GALNTL6: variants seen among roughly 807,000 people sequenced by gnomAD.
GALNTL6 encodes polypeptide N-acetylgalactosaminyltransferase-like 6.
A neutral mutation model predicts 73.7 loss-of-function variants in GALNTL6; 46 were observed. The observed-to-expected ratio is 0.62, with a 90% CI of 0.49 to 0.80. The LOEUF (loss-of-function observed/expected upper bound fraction) is 0.80. Ranked by LOEUF, GALNTL6 falls within the 30% of genes least tolerant of loss-of-function variation. GALNTL6 has a pLI of 0.00. For missense variants in GALNTL6, 604 were observed against 755.0 expected, an observed-to-expected ratio of 0.80 and a Z score of 2.34; for synonymous variants, 259 against 263.7, an observed-to-expected ratio of 0.98 and a Z score of 0.17.
At chr4:172,788,734 A>G (rs1055985265) in intron 5 of GALNTL6, among the ~76,000 whole-genome samples, 8 of 151,956 alleles carry the variant, frequency 5.3e-5, no homozygotes, top group African/African-American at 1.5e-4. Context: ...CAAGGAGAGA[A>G]CTTGAATACA....
At chr4:173,015,538 CTTG>C (rs1752746105) in intron 11 of GALNTL6, among the ~76,000 whole-genome samples, 1 of 152,172 alleles carries the variant, frequency 6.6e-6, no homozygotes, top group Admixed American at 6.5e-5. Flanking sequence ...AGATGAAGAA[CTTG>C]TTGGGAACTG....
At chr4:172,426,437 T>C (rs1301656793) in intron 5 of GALNTL6, among the ~76,000 whole-genome samples, 1 of 152,102 alleles carries the variant, frequency 6.6e-6, no homozygotes, top group East Asian at 1.9e-4. Context: ...GGCAACCACA[T>C]GGGAGACTGG....
intron 5 of GALNTL6, among the ~76,000 whole-genome samples, chr4:172,547,976 C>A (rs748783538): frequency 1.3e-5 from 2 of 152,106 alleles, no homozygotes; most frequent in Non-Finnish European, 2.9e-5. Context: ...TGGGGTGGGG[C>A]TTGTCCGATT....
intron 5 of GALNTL6, among the ~76,000 whole-genome samples, chr4:172,580,621 A>G (rs944967994): frequency 5.9e-5 from 9 of 152,214 alleles, no homozygotes; most frequent in African/African-American, 2.2e-4. Context: ...GGAAGAGGAC[A>G]TAATCTCATG....
At chr4:172,042,957 A>G (rs1438601760) in intron 2 of GALNTL6, among the ~76,000 whole-genome samples, 1 of 151,560 alleles carries the variant, frequency 6.6e-6, no homozygotes, top group Admixed American at 6.6e-5. Flanking sequence ...AATTTGAAAC[A>G]CAGTGTTACA....
intron 8 of GALNTL6, among the ~76,000 whole-genome samples, chr4:172,886,854 AG>A (rs1299989207): frequency 6.6e-6 from 1 of 152,056 alleles, no homozygotes; most frequent in African/African-American, 2.4e-5. Context: ...TTTTAGATTC[AG>A]GGGGTACACG....
intron 2 of GALNTL6, among the ~76,000 whole-genome samples, chr4:172,224,454 A>T (rs1384717935): frequency 6.6e-6 from 1 of 152,232 alleles, no homozygotes; most frequent in Non-Finnish European, 1.5e-5. Flanking sequence ...TGATTGATTT[A>T]TGAAAACTAA....
At chr4:172,461,986 T>C (rs868155248) in intron 5 of GALNTL6, among the ~76,000 whole-genome samples, 3 of 152,032 alleles carry the variant, frequency 2.0e-5, no homozygotes, top group Non-Finnish European at 2.9e-5. Context: ...AGGGACTAAA[T>C]AGAAAAAAAA....
intron 4 of GALNTL6, among the ~76,000 whole-genome samples, chr4:172,345,648 A>T (rs1741715108): frequency 6.6e-6 from 1 of 152,178 alleles, no homozygotes; most frequent in Non-Finnish European, 1.5e-5. Flanking sequence ...TTCCAAAGAG[A>T]CTATACCAAA....
At chr4:172,679,886 A>G (rs1168803224) in intron 5 of GALNTL6, among the ~76,000 whole-genome samples, 1 of 152,022 alleles carries the variant, frequency 6.6e-6, no homozygotes, top group East Asian at 1.9e-4. Flanking sequence ...CCCAATAATT[A>G]TATTCTTTTC....
chr4:172,370,783 A>G (rs1352091738), intron 5 of GALNTL6, among the ~76,000 whole-genome samples: 5 of 152,070 alleles, frequency 3.3e-5, no homozygotes, highest in African/African-American at 9.7e-5. Context: ...CTCCTTTCTC[A>G]GCAGGGGGGA....
At chr4:172,034,125 T>G (rs1345492931) in intron 2 of GALNTL6, among the ~76,000 whole-genome samples, 3 of 152,100 alleles carry the variant, frequency 2.0e-5, no homozygotes, top group Non-Finnish European at 2.9e-5. Flanking sequence ...GGATATTTGC[T>G]CCAAACCATC....
chr4:172,028,147 T>C (rs1034356414), intron 2 of GALNTL6, among the ~76,000 whole-genome samples: 5 of 151,982 alleles, frequency 3.3e-5, no homozygotes, highest in Non-Finnish European at 7.4e-5. Flanking sequence ...GAGAATTTCA[T>C]AGCTAGCAAG....
intron 7 of GALNTL6, among the ~76,000 whole-genome samples, chr4:172,817,263 G>A (rs1369910242): frequency 1.3e-5 from 2 of 151,410 alleles, no homozygotes; most frequent in East Asian, 1.9e-4. Flanking sequence ...CTGTCTCTAC[G>A]AAAAAAATAT....
chr4:172,251,340 G>A lies in GALNTL6; in HGVS notation c.247+21576G>A, dbSNP rs760589741. On this transcript the variant is annotated intron_variant, in intron 3 of 12. Transcript: ENST00000506823. Reference sequence around the variant, plus strand: ...TTACCCAAAGTCCACCAATTTAAATGTCAATCTCATCGAAAGGAACTCTTT... The same window carrying A: ...TTACCCAAAGTCCACCAATTTAAATATCAATCTCATCGAAAGGAACTCTTT... Among the ~76,000 whole-genome samples, 38 of 152,156 alleles carry A rather than the reference G, an allele frequency of 2.5e-4. 1 individual carries two copies. Among genetic ancestry groups the A allele is most frequent in the Non-Finnish European group, 3.7e-4 (25 of 68,038 alleles).
chr4:172,408,753 G>A lies in GALNTL6; in HGVS notation c.553+60064G>A, dbSNP rs564693882. Among the ~76,000 whole-genome samples, 7 of 152,078 alleles carry A rather than the reference G, an allele frequency of 4.6e-5. No homozygotes were observed. In the East Asian group the frequency reaches 1.4e-3, roughly 29 times the overall value. ...GCTTTAGTAGAAACTGTGGGTGGAAGGACACAGGAGAAACCACTGCTCCGA... is the reference window on the plus strand; with the variant it reads ...GCTTTAGTAGAAACTGTGGGTGGAAAGACACAGGAGAAACCACTGCTCCGA... On this transcript the variant is annotated intron_variant, in intron 5 of 12. Coordinates refer to ENST00000506823, the MANE Select transcript of GALNTL6 (RefSeq NM_001034845.3).
intron 5 of GALNTL6, among the ~76,000 whole-genome samples, chr4:172,490,202 A>T (rs1011310991): frequency 6.6e-6 from 1 of 152,196 alleles, no homozygotes; most frequent in African/African-American, 2.4e-5. Flanking sequence ...AGTTGAACTA[A>T]AAATGAAATA....
At chr4:172,763,575 A>T (rs904150141) in intron 5 of GALNTL6, among the ~76,000 whole-genome samples, 10 of 152,230 alleles carry the variant, frequency 6.6e-5, no homozygotes, top group Admixed American at 1.3e-4. Flanking sequence ...TACCTTGTAT[A>T]AACATCTTTC....
chr4:172,734,136 C>A (rs898023675), intron 5 of GALNTL6, among the ~76,000 whole-genome samples: 1 of 152,126 alleles, frequency 6.6e-6, no homozygotes, highest in Admixed American at 6.5e-5. Flanking sequence ...CCTCTGCCTT[C>A]GAGATCTGTG....
Sources: allele counts gnomAD v4.1 joint callset (sites outside exome capture counted in the v4.1 genomes callset), GRCh38; gene constraint gnomAD v4.1.1; transcripts MANE v1.5; gene names NCBI Gene and HGNC (gene_info 2026-07-23, HGNC 2026-07-21).